CNTN5: variants seen among roughly 807,000 people sequenced by gnomAD.
The protein encoded by CNTN5 is contactin 5, also known as contactin-5.
CNTN5 carries 77 observed loss-of-function variants against 129.1 expected under a neutral mutation model. The ratio of observed to expected loss-of-function variants is 0.60; its 90% CI spans 0.50 to 0.72. The LOEUF (loss-of-function observed/expected upper bound fraction) is 0.72, where lower values mean the gene tolerates loss of function less well. Ranked by LOEUF, CNTN5 falls within the 30% of genes least tolerant of loss-of-function variation. The pLI, the probability that CNTN5 is intolerant of heterozygous loss-of-function variation, is 0.00. For missense variants in CNTN5, 1,478 were observed against 1,328.8 expected (o/e 1.11, Z -1.75); for synonymous variants, 509 against 465.6 (o/e 1.09, Z -1.20).
chr11:99,196,392 C>A (rs193173102), intron 1 of CNTN5, among the ~76,000 whole-genome samples: 3 of 151,552 alleles, frequency 2.0e-5, no homozygotes, highest in Admixed American at 2.0e-4. Flanking sequence ...GTTTTATATC[C>A]AACATTGGTG....
intron 9 of CNTN5, among the ~76,000 whole-genome samples, chr11:100,004,954 A>G (rs970863723): frequency 1.3e-5 from 2 of 152,274 alleles, no homozygotes; most frequent in East Asian, 1.9e-4. Context: ...AAGCCACTCT[A>G]CAAGCCTGCG....
intron 2 of CNTN5, among the ~76,000 whole-genome samples, chr11:99,437,656 C>T (rs1314342327): frequency 6.6e-6 from 1 of 151,998 alleles, no homozygotes; most frequent in Admixed American, 6.6e-5. Flanking sequence ...GATGAAACCC[C>T]ATCGCTACTA....
At chr11:100,246,323 G>T (rs1949838818) in intron 16 of CNTN5, among the ~76,000 whole-genome samples, 1 of 152,088 alleles carries the variant, frequency 6.6e-6, no homozygotes, top group Non-Finnish European at 1.5e-5. Flanking sequence ...ACTTAATGAG[G>T]TTCAGAAATT....
intron 4 of CNTN5, among the ~76,000 whole-genome samples, chr11:99,844,194 C>G (rs2135692032): frequency 6.6e-6 from 1 of 152,290 alleles, no homozygotes; most frequent in South Asian, 2.1e-4. Context: ...CCACTGGCCT[C>G]CACTTCCTTT....
intron 3 of CNTN5, among the ~76,000 whole-genome samples, chr11:99,763,039 T>C (rs960061203): frequency 3.9e-5 from 6 of 152,150 alleles, no homozygotes; most frequent in African/African-American, 1.4e-4. Flanking sequence ...CTAAATTTTA[T>C]TGATCCATGT....
At chr11:99,898,011 C>A (rs1215074855) in intron 6 of CNTN5, among the ~76,000 whole-genome samples, 6 of 151,960 alleles carry the variant, frequency 3.9e-5, no homozygotes, top group Admixed American at 1.3e-4. Flanking sequence ...AGTCAGAAAT[C>A]AAAATAAAAA....
At chr11:99,261,106 C>A (rs1312586023) in intron 1 of CNTN5, among the ~76,000 whole-genome samples, 1 of 151,728 alleles carries the variant, frequency 6.6e-6, no homozygotes, top group Non-Finnish European at 1.5e-5. Flanking sequence ...AAAATGCAGT[C>A]CTAAAATACA....
chr11:99,638,700 C>G (rs1951657011), intron 3 of CNTN5, among the ~76,000 whole-genome samples: 1 of 152,172 alleles, frequency 6.6e-6, no homozygotes, highest in Non-Finnish European at 1.5e-5. Context: ...AATTTTAAAG[C>G]TCCAAAATGA....
At chr11:100,304,762 C>T (rs576969326) in intron 20 of CNTN5, among the ~76,000 whole-genome samples, 1 of 151,348 alleles carries the variant, frequency 6.6e-6, no homozygotes, top group African/African-American at 2.4e-5. Context: ...CCTCCCTCCA[C>T]ATTTAAGCAG....
intron 3 of CNTN5, among the ~76,000 whole-genome samples, chr11:99,734,774 G>C (rs1315833157): frequency 6.6e-6 from 1 of 151,418 alleles, no homozygotes; most frequent in Non-Finnish European, 1.5e-5. Context: ...CAGTTGCTGG[G>C]TCCGGGGAAA....
chr11:100,026,064 A>G (rs1050567802), intron 9 of CNTN5, among the ~76,000 whole-genome samples: 5 of 152,146 alleles, frequency 3.3e-5, no homozygotes, highest in African/African-American at 4.8e-5. Flanking sequence ...TCCCCACCCA[A>G]ATCTCCTCTT....
At chr11:100,049,813 A>T (rs1942864218) in intron 9 of CNTN5, among the ~76,000 whole-genome samples, 1 of 152,214 alleles carries the variant, frequency 6.6e-6, no homozygotes, top group South Asian at 2.1e-4. Context: ...AAGTGGGCAA[A>T]GGACATGAAC....
At chr11:99,029,871 G>A (rs973294393) in intron 1 of CNTN5, among the ~76,000 whole-genome samples, 5 of 152,060 alleles carry the variant, frequency 3.3e-5, no homozygotes, top group African/African-American at 1.2e-4. Context: ...TCAATCAAAA[G>A]AATTATAATC....
At chr11:99,806,912 C>G (rs981353081) in intron 3 of CNTN5, among the ~76,000 whole-genome samples, 1 of 151,120 alleles carries the variant, frequency 6.6e-6, no homozygotes, top group African/African-American at 2.4e-5. Flanking sequence ...CAATGTAAAC[C>G]TTTTCTTCAG....
chr11:100,127,095 ATTTTTTT>A (rs5794039), intron 13 of CNTN5, among the ~76,000 whole-genome samples: 1 of 85,610 alleles, frequency 1.2e-5, no homozygotes, highest in Non-Finnish European at 2.2e-5. Flanking sequence ...TGCGCAGCTA[ATTTTTTT>A]TTTTTTTTTT....
At chr11:99,568,680 A>G (rs1949082056) in intron 3 of CNTN5, among the ~76,000 whole-genome samples, 1 of 152,250 alleles carries the variant, frequency 6.6e-6, no homozygotes, top group Admixed American at 6.5e-5. Context: ...AACAAATTTT[A>G]TAGTTTTATC....
intron 1 of CNTN5, among the ~76,000 whole-genome samples, chr11:99,309,067 G>A (rs1864990944): frequency 6.6e-6 from 1 of 151,940 alleles, no homozygotes. Context: ...TCTTTAATAT[G>A]CTAGTCATAG....
intron 2 of CNTN5, among the ~76,000 whole-genome samples, chr11:99,495,977 A>C (rs1318835682): frequency 6.6e-6 from 1 of 152,150 alleles, no homozygotes; most frequent in Non-Finnish European, 1.5e-5. Flanking sequence ...TTATGTATTG[A>C]AGGAAAGAAG....
Position 99,288,805 on chromosome 11 carries a change from T to C in CNTN5, c.-209-36541T>C, listed in dbSNP as rs534473429. Among the ~76,000 whole-genome samples, 7 of 152,024 alleles carry C rather than the reference T, an allele frequency of 4.6e-5. No homozygotes were observed. In the South Asian group the frequency reaches 1.5e-3, roughly 32 times the overall value. On this transcript the variant is annotated intron_variant, in intron 1 of 24. Transcript: ENST00000524871. ...TGAACTATTATTTTGAAAAATTACT[T>C]ATAATAAATATCCTTAAGTGGGTAA...
Sources: gnomAD v4.1 joint callset for allele counts (sites outside exome capture counted in the v4.1 genomes callset) on GRCh38, gnomAD v4.1.1 for gene constraint, MANE v1.5 for transcripts, NCBI Gene and HGNC (gene_info 2026-07-23, HGNC 2026-07-21) for gene names.